EYS: variants seen among roughly 807,000 people sequenced by gnomAD.
EYS encodes protein eyes shut homolog.
A neutral mutation model predicts 282.1 loss-of-function variants in EYS; 250 were observed. The observed-to-expected ratio is 0.89, with a 90% CI of 0.80 to 0.98. EYS has a LOEUF of 0.98. Among genes scored for constraint, EYS ranks in the 50% least tolerant of loss-of-function variants. The pLI is 0.00. For missense variants in EYS, 4,016 were observed against 3,709.0 expected (o/e 1.08, Z -2.15); for synonymous variants, 1,355 against 1,282.9 (o/e 1.06, Z -1.20).
At position 64,639,803 on chromosome 6, in the gene EYS, C is replaced by T. The variant is rs1021758252; in HGVS notation, c.3444-13558G>A. 9.9e-5 allele frequency among the ~76,000 whole-genome samples: 9 copies of T among 91,272 alleles called. 2 individuals carry two copies. The highest frequency in any genetic ancestry group is 1.7e-4 in the Non-Finnish European group (7 of 42,146). The allele number at this position is 91,272 out of a possible 152,430, so 59.9% of individuals were successfully genotyped here. On this transcript the variant is annotated intron_variant, in intron 22 of 42. Transcript: ENST00000503581. ...AACCTACAGAATGGGAGAAAATTTT[C>T]GCAACCTGTTCATCTGACAAAGGGC...
intron 2 of EYS, among the ~76,000 whole-genome samples, chr6:65,603,616 A>C (rs1311018741): frequency 6.6e-6 from 1 of 152,038 alleles, no homozygotes; most frequent in East Asian, 1.9e-4. Flanking sequence ...ATCACACTGA[A>C]GAGGTCCTAC....
intron 22 of EYS, among the ~76,000 whole-genome samples, chr6:64,708,327 T>C (rs1771100853): frequency 6.6e-6 from 1 of 152,206 alleles, no homozygotes; most frequent in African/African-American, 2.4e-5. Context: ...ATTCTGATAT[T>C]CAGCTTATTT....
chr6:64,925,506 G>A (rs1402136684), intron 15 of EYS, among the ~76,000 whole-genome samples: 2 of 152,184 alleles, frequency 1.3e-5, no homozygotes, highest in African/African-American at 2.4e-5. Flanking sequence ...ATGAGCAAGG[G>A]TGGTGTGAAT....
intron 36 of EYS, among the ~76,000 whole-genome samples, chr6:63,833,662 C>T (rs942640868): frequency 1.7e-4 from 26 of 152,230 alleles, no homozygotes; most frequent in African/African-American, 6.3e-4. Context: ...TCAATGCCTT[C>T]CCCATCAAGC....
At chr6:63,838,472 G>T (rs370410967) in intron 36 of EYS, among the ~76,000 whole-genome samples, 1 of 152,016 alleles carries the variant, frequency 6.6e-6, no homozygotes, top group Non-Finnish European at 1.5e-5. Flanking sequence ...AGAGACAGTC[G>T]GCATCTTGAA....
At chr6:64,528,226 C>T (rs1777987460) in intron 26 of EYS, among the ~76,000 whole-genome samples, 2 of 151,854 alleles carry the variant, frequency 1.3e-5, no homozygotes, top group Admixed American at 6.6e-5. Flanking sequence ...CATGCATTGA[C>T]AGGTATTCTT....
intron 29 of EYS, among the ~76,000 whole-genome samples, chr6:64,343,240 C>G (rs1771209634): frequency 6.6e-6 from 1 of 151,960 alleles, no homozygotes; most frequent in Non-Finnish European, 1.5e-5. Context: ...CACCCCAAAT[C>G]AACAGAATAT....
intron 31 of EYS, among the ~76,000 whole-genome samples, chr6:64,191,422 G>A (rs1025621503): frequency 2.6e-5 from 4 of 151,884 alleles, no homozygotes; most frequent in East Asian, 3.9e-4. Context: ...ATGCTGGTGC[G>A]CTGCACCCAC....
Position 63,838,458 on chromosome 6 carries a change from C to T in EYS, c.7228+25728G>A, listed in dbSNP as rs542287014. 7.9e-5 allele frequency among the ~76,000 whole-genome samples: 12 copies of T among 152,252 alleles called. No individual in the cohort carries two copies. The South Asian group carries it at 2.5e-3, about 32-fold the overall frequency. On this transcript the variant is annotated intron_variant, in intron 36 of 42. Transcript: ENST00000503581. ...TTGATCTGGGCTTCCCTAAGGGCTT[C>T]TCCAGAGACAGTCGGCATCTTGAAG... is the stretch of plus-strand genomic sequence containing the variant.
intron 29 of EYS, among the ~76,000 whole-genome samples, chr6:64,326,583 T>A (rs1770429988): frequency 6.6e-6 from 1 of 152,190 alleles, no homozygotes; most frequent in African/African-American, 2.4e-5. Flanking sequence ...GAACCTTTTT[T>A]GGTCTCTCCA....
chr6:65,023,322 TA>T (rs201279565), intron 13 of EYS, among the ~76,000 whole-genome samples: 3 of 151,272 alleles, frequency 2.0e-5, no homozygotes, highest in East Asian at 1.9e-4. Context: ...CCACATGCAA[TA>T]AAAAAAAATC....
chr6:64,105,297 A>G (rs919649995), intron 31 of EYS, among the ~76,000 whole-genome samples: 2 of 152,106 alleles, frequency 1.3e-5, no homozygotes, highest in Admixed American at 6.6e-5. Flanking sequence ...GTTTTTGAAA[A>G]TTAATAAACT....
intron 22 of EYS, among the ~76,000 whole-genome samples, chr6:64,645,313 G>T (rs373552026): frequency 5.9e-5 from 9 of 152,128 alleles, no homozygotes; most frequent in Non-Finnish European, 1.0e-4. Flanking sequence ...TTTCAATAAG[G>T]TGCTTAAACA....
intron 28 of EYS, among the ~76,000 whole-genome samples, chr6:64,392,108 G>A (rs1274240515): frequency 3.3e-5 from 5 of 151,884 alleles, no homozygotes; most frequent in Admixed American, 6.6e-5. Flanking sequence ...CAATACAGGA[G>A]CACCAAGATC....
At chr6:65,353,087 C>T (rs1410451206) in intron 9 of EYS, among the ~76,000 whole-genome samples, 1 of 151,622 alleles carries the variant, frequency 6.6e-6, no homozygotes, top group Admixed American at 6.6e-5. Flanking sequence ...TAAATAGGCT[C>T]ATTGCTTATA....
intron 22 of EYS, among the ~76,000 whole-genome samples, chr6:64,733,025 T>C (rs1583093041): frequency 6.6e-6 from 1 of 152,192 alleles, no homozygotes; most frequent in African/African-American, 2.4e-5. Context: ...AGACTGCCTC[T>C]CACCAGCCAC....
At chr6:64,988,347 G>A (rs1770936665) in intron 14 of EYS, among the ~76,000 whole-genome samples, 1 of 151,532 alleles carries the variant, frequency 6.6e-6, no homozygotes, top group Admixed American at 6.6e-5. Context: ...AAGAGCCTCA[G>A]CATCCGATGA....
chr6:64,643,112 TCC>T (rs34581754), intron 22 of EYS, among the ~76,000 whole-genome samples: 62,850 of 143,656 alleles, frequency 0.44, 13,640 homozygotes, highest in Admixed American at 0.52. Context: ...TGAAACTCCA[TCC>T]CCCCCCCCAA....
intron 5 of EYS, among the ~76,000 whole-genome samples, chr6:65,437,401 T>C (rs953848410): frequency 2.6e-5 from 4 of 152,120 alleles, no homozygotes; most frequent in African/African-American, 4.8e-5. Flanking sequence ...AGTTGAAATA[T>C]AGAAAGAAAA....
Sources: allele counts gnomAD v4.1 joint callset (sites outside exome capture counted in the v4.1 genomes callset), GRCh38; gene constraint gnomAD v4.1.1; transcripts MANE v1.5; gene names NCBI Gene and HGNC (gene_info 2026-07-23, HGNC 2026-07-21).